Variants in LIX1L observed in about 807,000 individuals in gnomAD.
LIX1L encodes the protein limb and CNS expressed 1 like.
LIX1L carries 20 observed loss-of-function variants against 34.0 expected under a neutral mutation model. That is an observed-to-expected ratio of 0.59 (90% CI 0.41 to 0.85). The LOEUF is 0.85. Ranked by LOEUF, LIX1L falls within the 40% of genes least tolerant of loss-of-function variation. The pLI, the probability that LIX1L is intolerant of heterozygous loss-of-function variation, is 0.00. For synonymous variants in LIX1L, 170 were observed against 187.4 expected, an observed-to-expected ratio of 0.91 and a Z score of 0.76; for missense variants, 397 against 447.0, an observed-to-expected ratio of 0.89 and a Z score of 1.01.
At chr1:145,947,519 A>G in intron 2 of LIX1L, 100 bp downstream of exon 2, 1 of 1,305,866 alleles carries the variant, frequency 7.7e-7, no homozygotes, top group South Asian at 1.3e-5. Context: ...TTAGGTCCTC[A>G]AATATATGAT....
At chr1:145,946,313 C>T (rs1649107121) in intron 2 of LIX1L, among the ~76,000 whole-genome samples, 1 of 151,628 alleles carries the variant, frequency 6.6e-6, no homozygotes, top group East Asian at 2.0e-4. Context: ...ATTCTCCTGC[C>T]TCAGCCTCCT....
At chr1:145,952,857 C>T in intron 1 of LIX1L, among the ~76,000 whole-genome samples, 1 of 152,112 alleles carries the variant, frequency 6.6e-6, no homozygotes, top group East Asian at 1.9e-4. Flanking sequence ...ATGATCCTCC[C>T]ACCTCAGCCT....
At chr1:145,937,572 T>C in intron 4 of LIX1L, 32 bp downstream of exon 4, 2 of 1,358,684 alleles carry the variant, frequency 1.5e-6, no homozygotes, top group Non-Finnish European at 2.1e-6. Flanking sequence ...TGACCCATGT[T>C]ATTAGAACCA....
At chr1:145,940,786 C>T (rs587769397) in intron 3 of LIX1L, among the ~76,000 whole-genome samples, 4 of 150,748 alleles carry the variant, frequency 2.7e-5, no homozygotes, top group South Asian at 2.1e-4. Context: ...CTCTTGACCT[C>T]GTGATCTGCC....
intron 2 of LIX1L, among the ~76,000 whole-genome samples, chr1:145,945,299 TC>T (rs1553759117): frequency 3.9e-5 from 1 of 25,910 alleles, no homozygotes; most frequent in Non-Finnish European, 8.0e-5. Context: ...AGACTCTGTC[TC>T]AAAAAAAAAA....
intron 2 of LIX1L, among the ~76,000 whole-genome samples, chr1:145,945,915 G>A (rs1224847039): frequency 1.5e-5 from 2 of 133,908 alleles, no homozygotes; most frequent in Non-Finnish European, 3.2e-5. Context: ...GTGAAACCCT[G>A]TCTCTACTAA....
intron 2 of LIX1L, among the ~76,000 whole-genome samples, chr1:145,945,477 T>C (rs1238493484): frequency 6.6e-6 from 1 of 152,038 alleles, no homozygotes; most frequent in Non-Finnish European, 1.5e-5. Flanking sequence ...CCAGGCACGG[T>C]GGCTCACGCC....
At chr1:145,936,782 G>C (rs587595845) in intron 5 of LIX1L, 126 bp downstream of exon 5, 14 of 824,786 alleles carry the variant, frequency 1.7e-5, no homozygotes, top group South Asian at 1.4e-4. Flanking sequence ...GGGTACTTAG[G>C]TAAGGCTTTC....
intron 2 of LIX1L, among the ~76,000 whole-genome samples, chr1:145,943,455 C>CT (rs1553758912): frequency 6.6e-6 from 1 of 152,096 alleles, no homozygotes; most frequent in Non-Finnish European, 1.5e-5. Context: ...TTATAGACTT[C>CT]TTTTTTCCCC....
In LIX1L at chr1:145,934,995, T is replaced by A. The variant is rs1648581381; in HGVS notation, c.*1315A>T. ...CAGCCTGGCCAACATGGTGAAACCC[T>A]GTCTCTACTAAAAATATAAAAATTA... On this transcript the variant is annotated 3_prime_UTR_variant, in exon 6 of 6. Coordinates refer to ENST00000604000, the MANE Select transcript of LIX1L (RefSeq NM_153713.3). 1 of 151,660 alleles carries A rather than the reference T, an allele frequency of 6.6e-6. No homozygotes were observed. Among genetic ancestry groups the A allele is most frequent in the Admixed American group, 6.6e-5 (1 of 15,196 alleles). 9.4% of individuals were successfully genotyped at this position (151,660 alleles called of 1,614,324 possible). A position where few individuals can be genotyped will look rare whatever the true frequency, so the allele number is the denominator to read the frequency against.
chr1:145,943,689 A>G lies in LIX1L; in HGVS notation c.457-836T>C, dbSNP rs147169858. On this transcript the variant is annotated intron_variant, in intron 2 of 5. Coordinates refer to ENST00000604000, the MANE Select transcript of LIX1L (RefSeq NM_153713.3). The stretch of plus-strand genomic sequence containing the variant: ...GCTGTCTCAAAGGCCTCTTTGCCCT[A>G]TGTCATTTATGAGTAATTAGAGGAA... 4.0e-3 allele frequency among the ~76,000 whole-genome samples: 611 copies of G among 152,168 alleles called. 6 individuals carry two copies. The highest frequency in any genetic ancestry group is 0.013 in the African/African-American group (527 of 41,490).
chr1:145,942,680 C>T lies in LIX1L; in HGVS notation c.597+33G>A, dbSNP rs181608244. On this transcript the variant is annotated intron_variant, in intron 3 of 5. Transcript: ENST00000604000. The stretch of plus-strand genomic sequence containing the variant: ...CCAAGCAGCCAGTTCTCCCATCTCC[C>T]ACTCTCCTTCCTTCCAGCTCCATAC... The T allele has an allele frequency of 1.1e-5, 18 of 1,608,572 alleles. No homozygotes were observed. In the East Asian group the frequency reaches 3.8e-4, roughly 34 times the overall value.
At chr1:145,939,974 T>G (rs1180394751) in intron 3 of LIX1L, 1 of 150,684 alleles carries the variant, frequency 6.6e-6, no homozygotes, top group African/African-American at 2.4e-5. Context: ...AATTTAGTTA[T>G]TTATTTTTTG....
In LIX1L at chr1:145,943,623, C is replaced by A. The variant is rs1649000613; in HGVS notation, c.457-770G>T. Among the ~76,000 whole-genome samples, 3 of 152,184 alleles carry A rather than the reference C, an allele frequency of 2.0e-5. No homozygotes were observed. In the South Asian group the frequency reaches 6.2e-4, roughly 32 times the overall value. The stretch of plus-strand genomic sequence containing the variant: ...GTCTCAAAATTATTCAACTTCAGAT[C>A]TCTAGCCACCATAGTATTCCTTTAT... On this transcript the variant is annotated intron_variant, in intron 2 of 5. Coordinates refer to ENST00000604000, the MANE Select transcript of LIX1L (RefSeq NM_153713.3).
At chr1:145,938,157 A>G (rs1648739020) in intron 3 of LIX1L, among the ~76,000 whole-genome samples, 1 of 152,128 alleles carries the variant, frequency 6.6e-6, no homozygotes, top group South Asian at 2.1e-4. Flanking sequence ...TAATTTTAAT[A>G]ATATATCTTA....
chr1:145,939,570 G>C (rs974677774), intron 3 of LIX1L, among the ~76,000 whole-genome samples: 3 of 151,598 alleles, frequency 2.0e-5, no homozygotes, highest in Non-Finnish European at 4.4e-5. Context: ...GCCTTCCAAA[G>C]TGCTGGGATT....
At chr1:145,949,197 T>A (rs1272256840) in intron 1 of LIX1L, 2 of 152,214 alleles carry the variant, frequency 1.3e-5, no homozygotes, top group African/African-American at 4.8e-5. Flanking sequence ...TTATGTAGCC[T>A]ACAGTGTAAA....
intron 3 of LIX1L, among the ~76,000 whole-genome samples, chr1:145,938,802 G>A (rs1318318887): frequency 2.6e-5 from 4 of 152,008 alleles, no homozygotes; most frequent in African/African-American, 9.7e-5. Context: ...TGGCCAGGCT[G>A]GTCCTGAACC....
At chr1:145,955,966 C>T (rs1553760320) in intron 1 of LIX1L, among the ~76,000 whole-genome samples, 1 of 152,130 alleles carries the variant, frequency 6.6e-6, no homozygotes. Flanking sequence ...TTAATAAATG[C>T]CTGTAAGTTG....
Sources: gnomAD v4.1 joint callset for allele counts (sites outside exome capture counted in the v4.1 genomes callset) on GRCh38, gnomAD v4.1.1 for gene constraint, MANE v1.5 for transcripts, NCBI Gene and HGNC (gene_info 2026-07-23, HGNC 2026-07-21) for gene names.